The following ZNF671 variants were observed in gnomAD, a reference collection of about 807,000 sequenced individuals.
The protein encoded by ZNF671 is hypothetical protein FLJ23506.
ZNF671 carries 19 observed loss-of-function variants against 16.6 expected under a neutral mutation model. The ratio of observed to expected loss-of-function variants is 1.14; its 90% CI spans 0.80 to 1.68. The LOEUF (loss-of-function observed/expected upper bound fraction) is 1.68. ZNF671 is among the 40% of genes most tolerant of loss of function. The probability of loss-of-function intolerance (pLI) is 0.00; values close to 1 mark genes in which losing one functional copy is unlikely to be tolerated. For synonymous variants in ZNF671, 238 were observed against 236.3 expected (o/e 1.01, Z -0.06); for missense variants, 637 against 659.8 (o/e 0.97, Z 0.38).
Position 57,727,456 on chromosome 19 carries a change from G to A in ZNF671, c.73C>T (p.Arg25Cys). The part of the protein sequence containing the change: ...GRKCLRPRSR[R>C]LPLPAAVRAH... The stretch of plus-strand genomic sequence containing the variant: ...CGGACAGCTGCCGGGAGCGGCAGGC[G>A]TCTCGATCGGGGACGCAGGCACTTC... The change falls in exon 1 of 4, where the codon CGC becomes TGC. Residue 25 changes from arginine to cysteine, a missense_variant. Coordinates refer to ENST00000317398, the MANE Select transcript of ZNF671 (RefSeq NM_024833.3). 6.2e-7 allele frequency: 1 copy of A among 1,612,828 alleles called. No homozygotes were observed. Among genetic ancestry groups the A allele is most frequent in the Non-Finnish European group, 8.5e-7 (1 of 1,179,632 alleles).
At position 57,721,635 on chromosome 19, in the gene ZNF671, C is replaced by T. The variant is rs1195011699; in HGVS notation, c.451G>A (p.Val151Met). 1 of 1,614,226 alleles carries T rather than the reference C, an allele frequency of 6.2e-7. No individual in the cohort carries two copies. The highest frequency in any genetic ancestry group is 2.2e-5 in the East Asian group (1 of 44,888). Residue 151 changes from valine (V) to methionine (M), a missense_variant, in exon 4 of 4, where the codon GTG becomes ATG. By Grantham distance (21) the Val-to-Met change is conservative. Transcript: ENST00000317398. ...GCCATGAGAGTCCTGACCTCTGACA[C>T]TCCTGCTACAAAAATGCTCTGCTCA... ...SSEQSIFVAGVSEVRTLMAEL... is the reference protein window; with the variant it reads ...SSEQSIFVAGMSEVRTLMAEL...
intron 1 of ZNF671, among the ~76,000 whole-genome samples, chr19:57,725,075 A>G (rs1433310961): frequency 3.9e-5 from 6 of 152,188 alleles, no homozygotes; most frequent in South Asian, 2.1e-4. Flanking sequence ...CAAAGATTAG[A>G]GAAGCACCTT....
intron 3 of ZNF671, 128 bp downstream of exon 3, chr19:57,722,188 G>A (rs1226728817): frequency 7.0e-6 from 10 of 1,429,182 alleles, no homozygotes; most frequent in Non-Finnish European, 9.4e-6. Flanking sequence ...TTCGTGTCAA[G>A]AACAGGAAAG....
Position 57,727,423 on chromosome 19 carries a change from CG to C in ZNF671, c.105del (p.His35GlnfsTer7). The C allele has an allele frequency of 6.2e-7, 1 of 1,612,924 alleles. No homozygotes were observed. Among genetic ancestry groups the C allele is most frequent in the Non-Finnish European group, 8.5e-7 (1 of 1,179,510 alleles). On this transcript the variant is annotated frameshift_variant, in exon 1 of 4. Coordinates refer to ENST00000317398, the MANE Select transcript of ZNF671 (RefSeq NM_024833.3). LOFTEE classifies it high-confidence loss of function. ...GAGTCCGTTAGCTCCGCCATAGGAC[CG>C]TGGGCGCGGACAGCTGCCGGGAGCG... ...RLPLPAAVRA[H>X]GPMAELTDSA...
chr19:57,722,289 T>C lies in ZNF671; in HGVS notation c.388+27A>G, dbSNP rs1400130086. 3 of 1,612,426 alleles carry C rather than the reference T, an allele frequency of 1.9e-6. 1 individual carries two copies. In the African/African-American group the frequency reaches 4.0e-5, roughly 22 times the overall value. On this transcript the variant is annotated intron_variant, in intron 3 of 3. Coordinates refer to ENST00000317398, the MANE Select transcript of ZNF671 (RefSeq NM_024833.3). The stretch of plus-strand genomic sequence containing the variant: ...GCCAGTTTTGAACCCAGCTTTGACA[T>C]CGTGCCCTTCCCCGATGTCCACTCA...
At chr19:57,722,259 A>G (rs1244675587) in intron 3 of ZNF671, 57 bp downstream of exon 3, 5 of 1,605,588 alleles carry the variant, frequency 3.1e-6, no homozygotes, top group Non-Finnish European at 4.2e-6. Flanking sequence ...TGAACAGTTA[A>G]TGTTGCCAGT....
intron 3 of ZNF671, chr19:57,721,959 C>T (rs34992798): frequency 0.16 from 93,631 of 571,814 alleles, 8,117 homozygotes; most frequent in South Asian, 0.21. Flanking sequence ...GTTAGTGACT[C>T]GTGAGTGCTA....
At chr19:57,725,770 A>T (rs1311396920) in intron 1 of ZNF671, among the ~76,000 whole-genome samples, 1 of 151,314 alleles carries the variant, frequency 6.6e-6, no homozygotes, top group African/African-American at 2.4e-5. Context: ...AACTCTATCT[A>T]ATAAAATACA....
At position 57,720,155 on chromosome 19, in the gene ZNF671, A is replaced by T; in HGVS notation, c.*326T>A. The T allele has an allele frequency of 3.1e-6, 1 of 317,578 alleles. No individual in the cohort carries two copies. 19.7% of individuals were successfully genotyped at this position (317,578 alleles called of 1,614,324 possible). A position where few individuals can be genotyped will look rare whatever the true frequency, so the allele number is the denominator to read the frequency against. The stretch of plus-strand genomic sequence containing the variant: ...TTAAAAAGTGCAACACAGCTGCTGA[A>T]AGCATCTCACATACTTGACACTCAC... On this transcript the variant is annotated 3_prime_UTR_variant, in exon 4 of 4. Transcript: ENST00000317398.
intron 3 of ZNF671, 118 bp downstream of exon 3, chr19:57,722,198 G>A: frequency 1.4e-6 from 2 of 1,470,880 alleles, no homozygotes; most frequent in Non-Finnish European, 1.8e-6. Context: ...GAACAGGAAA[G>A]GACAGATAGA....
At chr19:57,725,963 C>G (rs1986029905) in intron 1 of ZNF671, among the ~76,000 whole-genome samples, 1 of 151,772 alleles carries the variant, frequency 6.6e-6, no homozygotes, top group East Asian at 1.9e-4. Flanking sequence ...AAAATAAAAC[C>G]AAAGCCAAGT....
In ZNF671 at chr19:57,720,281, C is replaced by T; in HGVS notation, c.*200G>A. 1.4e-6 allele frequency: 1 copy of T among 725,634 alleles called. No homozygotes were observed. The highest frequency in any genetic ancestry group is 2.5e-5 in the East Asian group (1 of 40,006). 44.9% of individuals were successfully genotyped at this position (725,634 alleles called of 1,614,324 possible). ...TCCCAGAGTTCCACTCTAGGGTGAG[C>T]TGTTGGGCTGAACAGAGACAGCACA... On this transcript the variant is annotated 3_prime_UTR_variant, in exon 4 of 4. Coordinates refer to ENST00000317398, the MANE Select transcript of ZNF671 (RefSeq NM_024833.3).
chr19:57,723,118 A>G, intron 2 of ZNF671, 96 bp downstream of exon 2: 2 of 1,485,098 alleles, frequency 1.3e-6, no homozygotes, highest in Non-Finnish European at 1.8e-6. Context: ...TGGCATCTTG[A>G]GCACCTACTC....
At chr19:57,724,870 A>C (rs1985993647) in intron 1 of ZNF671, among the ~76,000 whole-genome samples, 1 of 152,240 alleles carries the variant, frequency 6.6e-6, no homozygotes, top group South Asian at 2.1e-4. Context: ...TAATGCAGGC[A>C]GCAGGAGATA....
At position 57,721,208 on chromosome 19, in the gene ZNF671, G is replaced by A. The variant is rs1985856668; in HGVS notation, c.878C>T (p.Ala293Val). ...RYHRCGECGK[A>V]FTRKDTLARH... ...AGCAAGTGTGTCTTTGCGGGTGAAG[G>A]CTTTCCCACATTCACCACACCTGTG... The change falls in exon 4 of 4, where the codon GCC becomes GTC. Residue 293 changes from alanine (A) to valine (V), a missense_variant. Ala to Val is a moderately conservative substitution (Grantham distance 64). Coordinates refer to ENST00000317398, the MANE Select transcript of ZNF671 (RefSeq NM_024833.3). 1 of 1,608,876 alleles carries A rather than the reference G, an allele frequency of 6.2e-7. No homozygotes were observed. The highest frequency in any genetic ancestry group is 8.5e-7 in the Non-Finnish European group (1 of 1,176,588).
In ZNF671 at chr19:57,721,430, A is replaced by G; in HGVS notation, c.656T>C (p.Leu219Pro). 6.2e-7 allele frequency: 1 copy of G among 1,614,112 alleles called. No homozygotes were observed. The highest frequency in any genetic ancestry group is 8.5e-7 in the Non-Finnish European group (1 of 1,180,026). Residue 219 changes from leucine to proline, a missense_variant, in exon 4 of 4, where the codon CTT (leucine) becomes CCT (proline). Leu to Pro is a moderately conservative substitution (Grantham distance 98, BLOSUM62 -3). Transcript: ENST00000317398. ...GTCTCTGCCCTCCTTCCTTGGGAAA[A>G]GTTTCCCTCCATTGGGCTGGTTCTG... ...QHQNQPNGGK[L>P]FPRKEGRDSV... is the part of the protein sequence containing the mutation.
rs753949668 is a variant in ZNF671, at chr19:57,720,553, C to T, written c.1533G>A (p.Glu511=). Residue 511 remains glutamate (E), a synonymous_variant, in exon 4 of 4, where the codon GAG becomes GAA. Transcript: ENST00000317398. ...HTGERPYVCS[E]CGREFIRKQT... ...GTTTCCGGATGAATTCTCTCCCGCA[C>T]TCACTACACACATAAGGCCTTTCCC... is the stretch of plus-strand genomic sequence containing the variant. 2 of 1,614,208 alleles carry T rather than the reference C, an allele frequency of 1.2e-6. No individual in the cohort carries two copies. The highest frequency in any genetic ancestry group is 1.7e-6 in the Non-Finnish European group (2 of 1,180,038).
intron 1 of ZNF671, chr19:57,727,180 A>G: frequency 1.8e-6 from 1 of 546,360 alleles, no homozygotes; most frequent in Non-Finnish European, 3.1e-6. Context: ...GTTGATGAGA[A>G]CCCTGTCTCC....
At chr19:57,725,352 G>A (rs1465818053) in intron 1 of ZNF671, among the ~76,000 whole-genome samples, 5 of 151,996 alleles carry the variant, frequency 3.3e-5, no homozygotes, top group Non-Finnish European at 7.4e-5. Flanking sequence ...TGTAATTCCA[G>A]CTACTCAGGA....
Sources: gnomAD v4.1 joint callset for allele counts (sites outside exome capture counted in the v4.1 genomes callset) on GRCh38, gnomAD v4.1.1 for gene constraint, MANE v1.5 for transcripts, NCBI Gene and HGNC (gene_info 2026-07-23, HGNC 2026-07-21) for gene names.